UNC93A: variants seen among roughly 807,000 people sequenced by gnomAD.
UNC93A encodes unc-93 homolog A.
A neutral mutation model predicts 47.5 loss-of-function variants in UNC93A; 43 were observed. The ratio of observed to expected loss-of-function variants is 0.91; its 90% CI spans 0.71 to 1.17. The LOEUF (loss-of-function observed/expected upper bound fraction) is 1.17, where lower values mean the gene tolerates loss of function less well. Among genes scored for constraint, UNC93A ranks in the 50% most tolerant of loss-of-function variants. The pLI is 0.00. For synonymous variants in UNC93A, 280 were observed against 258.0 expected, an observed-to-expected ratio of 1.09 and a Z score of -0.82; for missense variants, 605 against 577.6, an observed-to-expected ratio of 1.05 and a Z score of -0.49.
upstream of UNC93A, among the ~76,000 whole-genome samples, chr6:167,286,977 CAAAAAAAAAAAA>C (rs548370859): frequency 1.9e-3 from 212 of 110,012 alleles, no homozygotes; most frequent in South Asian, 0.011. Flanking sequence ...GACTCTGTCT[CAAAAAAAAAAAA>C]AAAAAAAAAA....
chr6:167,305,512 C>T (rs1464258092), intron 5 of UNC93A, among the ~76,000 whole-genome samples: 2 of 151,780 alleles, frequency 1.3e-5, no homozygotes, highest in Non-Finnish European at 2.9e-5. Context: ...TCTGAGGCCC[C>T]GGAAGAGGTG....
chr6:167,288,029 G>A (rs1783771377), upstream of UNC93A, among the ~76,000 whole-genome samples: 1 of 152,198 alleles, frequency 6.6e-6, no homozygotes, highest in African/African-American at 2.4e-5. Context: ...CATGTCCCAG[G>A]TGGAGACGTG....
At chr6:167,279,970 C>T (rs913291949) in intron 1 of UNC93A, among the ~76,000 whole-genome samples, 2 of 152,164 alleles carry the variant, frequency 1.3e-5, no homozygotes, top group African/African-American at 4.8e-5. Flanking sequence ...AGGCAATCCA[C>T]CATTCACTGT....
intron 1 of UNC93A, among the ~76,000 whole-genome samples, chr6:167,272,707 T>C (rs551561662): frequency 1.3e-4 from 20 of 152,362 alleles, no homozygotes; most frequent in African/African-American, 4.8e-4. Flanking sequence ...GAAAATGTTC[T>C]GGTTGACAAT....
At chr6:167,289,727 A>G (rs1345174693), upstream of UNC93A, among the ~76,000 whole-genome samples, 1 of 151,592 alleles carries the variant, frequency 6.6e-6, no homozygotes, top group African/African-American at 2.4e-5. Context: ...GCAATAAAAC[A>G]TCAGGAAGGT....
intron 4 of UNC93A, among the ~76,000 whole-genome samples, chr6:167,300,203 T>C (rs1160148925): frequency 6.6e-6 from 1 of 152,016 alleles, no homozygotes; most frequent in Non-Finnish European, 1.5e-5. Flanking sequence ...CCAATGCAAG[T>C]GTGGACGTGG....
At chr6:167,278,230 A>G (rs978140991) in intron 1 of UNC93A, among the ~76,000 whole-genome samples, 2 of 152,216 alleles carry the variant, frequency 1.3e-5, no homozygotes, top group African/African-American at 2.4e-5. Flanking sequence ...GAGGGCGGGA[A>G]GCAAGCCCAG....
intron 1 of UNC93A, chr6:167,271,505 T>A (rs1783451587): frequency 6.6e-6 from 1 of 152,238 alleles, no homozygotes; most frequent in South Asian, 2.1e-4. Context: ...TCCTGCCTTC[T>A]GTCTGTAAAC....
At chr6:167,315,132 A>T in intron 7 of UNC93A, 55 bp from the exon 8 acceptor site, 1 of 1,590,256 alleles carries the variant, frequency 6.3e-7, no homozygotes, top group Non-Finnish European at 8.6e-7. Context: ...CTTTTCACAA[A>T]CAGGGTCACT....
chr6:167,284,757 C>T (rs536828471), intron 1 of UNC93A, among the ~76,000 whole-genome samples: 4 of 152,308 alleles, frequency 2.6e-5, no homozygotes, highest in East Asian at 3.9e-4. Flanking sequence ...GCCCTGGTCC[C>T]GTGTCCGGGG....
chr6:167,289,187 C>T (rs1327884180), upstream of UNC93A, among the ~76,000 whole-genome samples: 5 of 152,254 alleles, frequency 3.3e-5, no homozygotes, highest in African/African-American at 1.2e-4. Flanking sequence ...TCAGGCAACT[C>T]CATGTCTGCA....
rs1778310855 is a variant in UNC93A at position 167,303,966 on chromosome 6, A to G, written c.673A>G (p.Ile225Val). The change falls in exon 5 of 8, where the codon ATA (isoleucine) becomes GTA (valine). Residue 225 changes from isoleucine (I) to valine (V), a missense_variant. Coordinates refer to ENST00000230256, the MANE Select transcript of UNC93A (RefSeq NM_018974.4). ...GATGATAGCTGCGTTCCTCCAACCC[A>G]TACGAGATGTTCAGCGGGAAAGTGA... ...VLMIAAFLQP[I>V]RDVQRESEGE... The G allele has an allele frequency of 6.2e-7, 1 of 1,613,588 alleles. No individual in the cohort carries two copies. Among genetic ancestry groups the G allele is most frequent in the Admixed American group, 1.7e-5 (1 of 59,946 alleles).
chr6:167,276,484 C>A (rs150048676), intron 1 of UNC93A, among the ~76,000 whole-genome samples: 4 of 152,152 alleles, frequency 2.6e-5, no homozygotes, highest in African/African-American at 7.2e-5. Context: ...TTATGAATTT[C>A]TAAACCTTGT....
rs374204077 is a variant in UNC93A at position 167,303,429 on chromosome 6, C to T, written c.626-490C>T. 2.6e-5 allele frequency among the ~76,000 whole-genome samples: 4 copies of T among 151,978 alleles called. No homozygotes were observed. The East Asian group carries it at 7.7e-4, about 29-fold the overall frequency. On this transcript the variant is annotated intron_variant, in intron 4 of 7. Coordinates refer to ENST00000230256, the MANE Select transcript of UNC93A (RefSeq NM_018974.4). Reference sequence around the variant, plus strand: ...ACATTCTGTTGTAGTTCAGATACCCCTTAATATCTTTAACCAGTTCTTATT... The same window carrying T: ...ACATTCTGTTGTAGTTCAGATACCCTTTAATATCTTTAACCAGTTCTTATT...
chr6:167,314,517 C>A (rs1778638994), intron 7 of UNC93A, among the ~76,000 whole-genome samples: 1 of 152,168 alleles, frequency 6.6e-6, no homozygotes, highest in Admixed American at 6.5e-5. Context: ...TGGGTGGAGC[C>A]CCAAAAGGAG....
chr6:167,270,782 C>T (rs1291862845), upstream of UNC93A, among the ~76,000 whole-genome samples: 3 of 152,142 alleles, frequency 2.0e-5, no homozygotes, highest in Non-Finnish European at 4.4e-5. Flanking sequence ...GAGGGTTTCC[C>T]CGAACACCAG....
chr6:167,305,829 A>G, intron 5 of UNC93A, 86 bp from the exon 6 acceptor site: 13 of 1,585,986 alleles, frequency 8.2e-6, no homozygotes, highest in Non-Finnish European at 1.0e-5. Flanking sequence ...CTCAGAGCAG[A>G]TGTTCTAAGC....
intron 4 of UNC93A, among the ~76,000 whole-genome samples, chr6:167,302,924 C>T (rs765453144): frequency 1.2e-4 from 19 of 152,118 alleles, no homozygotes; most frequent in Non-Finnish European, 1.6e-4. Context: ...AATCTCTTGC[C>T]GTCCTGCTCA....
At chr6:167,298,118 A>G (rs1210345131) in intron 4 of UNC93A, 48 bp downstream of exon 4, 2 of 1,589,672 alleles carry the variant, frequency 1.3e-6, no homozygotes, top group East Asian at 2.2e-5. Context: ...AAGCAGAGCC[A>G]AGCCTCCTTC....
Sources: gnomAD v4.1 joint callset for allele counts (sites outside exome capture counted in the v4.1 genomes callset) on GRCh38, gnomAD v4.1.1 for gene constraint, MANE v1.5 for transcripts, NCBI Gene and HGNC (gene_info 2026-07-23, HGNC 2026-07-21) for gene names.